Variants in EPN1 observed in about 807,000 individuals in gnomAD.
EPN1 encodes epsin-1.
A neutral mutation model predicts 56.9 loss-of-function variants in EPN1; 25 were observed. That is an observed-to-expected ratio of 0.44 (90% confidence interval 0.32 to 0.61). The LOEUF (loss-of-function observed/expected upper bound fraction) is 0.61, where lower values mean the gene tolerates loss of function less well. EPN1 is among the 20% of genes least tolerant of loss of function. The pLI is 0.05. For missense variants in EPN1, 785 were observed against 823.7 expected, an observed-to-expected ratio of 0.95 and a Z score of 0.58; for synonymous variants, 411 against 361.8, an observed-to-expected ratio of 1.14 and a Z score of -1.54.
At chr19:55,676,149 A>G (rs1985405703) in intron 1 of EPN1, among the ~76,000 whole-genome samples, 1 of 152,166 alleles carries the variant, frequency 6.6e-6, no homozygotes, top group South Asian at 2.1e-4. Context: ...GTCCTTGTGC[A>G]TGTAAGTTGA....
At position 55,703,763 on chromosome 19, in the gene EPN1, C is replaced by T. The variant is rs1210008839; in HGVS notation, c.*8407C>T. 6.6e-6 allele frequency: 1 copy of T among 152,246 alleles called. No individual in the cohort carries two copies. The highest frequency in any genetic ancestry group is 6.5e-5 in the Admixed American group (1 of 15,282). 9.4% of individuals were successfully genotyped at this position (152,246 alleles called of 1,614,324 possible). On this transcript the variant is annotated 3_prime_UTR_variant, in exon 11 of 11. Transcript: ENST00000270460. ...CGTAGAACAGTTGAAATGTGGCCAGCATGAGATTTTTTTAATCTTGCCAAT... is the reference window on the plus strand; with the variant it reads ...CGTAGAACAGTTGAAATGTGGCCAGTATGAGATTTTTTTAATCTTGCCAAT...
In EPN1 at chr19:55,695,342, C is replaced by T; in HGVS notation, c.1717C>T (p.Pro573Ser). 6.7e-7 allele frequency: 1 copy of T among 1,492,798 alleles called. No homozygotes were observed. The allele number at this position is 1,492,798 out of a possible 1,614,324, so 92.5% of individuals were successfully genotyped here. ...PPGPPAPNTN[P>S]FLL ...GGGCCCCCCGGCCCCCAACACTAAT[C>T]CCTTCCTCCTATAATCCAGGGCGGA... is the stretch of plus-strand genomic sequence containing the variant. Residue 573 changes from proline to serine, a missense_variant, in exon 11 of 11, where the codon CCC (proline) becomes TCC (serine). By Grantham distance (74) the Pro-to-Ser change is moderately conservative. This residue lies in a region of EPN1 where 650 missense variants were observed against 605.0 expected (regional missense o/e 1.07). Transcript: ENST00000270460. The surrounding 1 kb of genome is among the most constrained non-coding windows in gnomAD (Gnocchi z 4.4).
intron 2 of EPN1, chr19:55,680,807 C>T (rs1985765756): frequency 6.6e-6 from 1 of 152,550 alleles, no homozygotes; most frequent in Admixed American, 6.5e-5. Context: ...GCCCAGAGGC[C>T]CTGAGCCACT....
rs1987052820 is a variant in EPN1 at position 55,699,692 on chromosome 19, A to AC, written c.*4341dup. Reference sequence around the variant, plus strand: ...TGGCTCTTCAACAAAAAGTGTGCTGACCCCCGGTGATTGCTTGTATGTGGC... The same window carrying AC: ...TGGCTCTTCAACAAAAAGTGTGCTGACCCCCCGGTGATTGCTTGTATGTGGC... On this transcript the variant is annotated 3_prime_UTR_variant, in exon 11 of 11. Coordinates refer to ENST00000270460, the MANE Select transcript of EPN1 (RefSeq NM_001130072.2). 6.6e-6 allele frequency: 1 copy of AC among 151,816 alleles called. No homozygotes were observed. The highest frequency in any genetic ancestry group is 1.5e-5 in the Non-Finnish European group (1 of 67,976). 9.4% of individuals were successfully genotyped at this position (151,816 alleles called of 1,614,324 possible). A position where few individuals can be genotyped will look rare whatever the true frequency, so the allele number is the denominator to read the frequency against.
chr19:55,678,994 A>T (rs1985624044), intron 2 of EPN1, 139 bp downstream of exon 2: 6 of 643,124 alleles, frequency 9.3e-6, no homozygotes, highest in Non-Finnish European at 1.4e-5. Flanking sequence ...CTTTTTGTTT[A>T]ATGAAGGCAA....
At position 55,677,681 on chromosome 19, in the gene EPN1, C is replaced by T. The variant is rs1429322723; in HGVS notation, c.-101-846C>T. On this transcript the variant is annotated intron_variant, in intron 1 of 10. Coordinates refer to ENST00000270460, the MANE Select transcript of EPN1 (RefSeq NM_001130072.2). Reference sequence around the variant, plus strand: ...ATCTCTCCTGAGCCTTGGGCTTCCGCTATCCTTGGGACGTCTGGTCTTCTG... The same window carrying T: ...ATCTCTCCTGAGCCTTGGGCTTCCGTTATCCTTGGGACGTCTGGTCTTCTG... 8 of 1,551,306 alleles carry T rather than the reference C, an allele frequency of 5.2e-6. No individual in the cohort carries two copies. In the Middle Eastern group the frequency reaches 8.3e-4, roughly 161 times the overall value.
chr19:55,679,048 GT>G (rs1985627940), intron 2 of EPN1, among the ~76,000 whole-genome samples, 193 bp downstream of exon 2: 1 of 152,250 alleles, frequency 6.6e-6, no homozygotes, highest in Non-Finnish European at 1.5e-5. Context: ...GTTAAAATCT[GT>G]TTTTGAGTGA....
In EPN1 at chr19:55,678,517, C is replaced by A. The variant is rs540110122; in HGVS notation, c.-101-10C>A. 15 of 1,536,530 alleles carry A rather than the reference C, an allele frequency of 9.8e-6. No homozygotes were observed. Among genetic ancestry groups the A allele is most frequent in the Non-Finnish European group, 1.3e-5 (15 of 1,144,090 alleles). On this transcript the variant is annotated splice_polypyrimidine_tract_variant and intron_variant, in intron 1 of 10. Transcript: ENST00000270460. ...CATTTGTGTTTCCAGAGGTCCTCTT[C>A]CCCTCGCAGATGCGGTGACCTGCCA...
At position 55,698,921 on chromosome 19, in the gene EPN1, T is replaced by G. The variant is rs895455201; in HGVS notation, c.*3565T>G. The G allele has an allele frequency of 6.6e-6, 1 of 152,182 alleles. No homozygotes were observed. Among genetic ancestry groups the G allele is most frequent in the Non-Finnish European group, 1.5e-5 (1 of 68,062 alleles). 9.4% of individuals were successfully genotyped at this position (152,182 alleles called of 1,614,324 possible). A position where few individuals can be genotyped will look rare whatever the true frequency, so the allele number is the denominator to read the frequency against. On this transcript the variant is annotated 3_prime_UTR_variant, in exon 11 of 11. Coordinates refer to ENST00000270460, the MANE Select transcript of EPN1 (RefSeq NM_001130072.2). ...CCACCACGCCCAGCTAATTTTTTTT[T>G]GTATTTTTAGTACAGACGGGGTTTC...
At chr19:55,681,587 C>T (rs1236594674) in intron 2 of EPN1, among the ~76,000 whole-genome samples, 1 of 152,224 alleles carries the variant, frequency 6.6e-6, no homozygotes, top group Non-Finnish European at 1.5e-5. Flanking sequence ...GTAGTTGAGA[C>T]AGAGAGTATA....
In EPN1 at chr19:55,689,763, G is replaced by A. The variant is rs576099475; in HGVS notation, c.679-104G>A. ...CCGCATCCCATCGAATCCTTCAGCCGCTTTCGTTGGGGTGGGAGGGGTTGC... is the reference window on the plus strand; with the variant it reads ...CCGCATCCCATCGAATCCTTCAGCCACTTTCGTTGGGGTGGGAGGGGTTGC... On this transcript the variant is annotated intron_variant, in intron 5 of 10. Coordinates refer to ENST00000270460, the MANE Select transcript of EPN1 (RefSeq NM_001130072.2). This position sits in a 1 kb window ranked among gnomAD's most constrained non-coding sequence, Gnocchi z 5.7. The A allele has an allele frequency of 1.2e-4, 121 of 1,051,584 alleles. No homozygotes were observed. The East Asian group carries it at 3.0e-3, about 26-fold the overall frequency. 65.1% of individuals were successfully genotyped at this position (1,051,584 alleles called of 1,614,324 possible).
At chr19:55,677,803 C>T (rs1172336283) in intron 1 of EPN1, 9 of 1,436,658 alleles carry the variant, frequency 6.3e-6, no homozygotes, top group Non-Finnish European at 7.3e-6. Context: ...GTCCTTGTTT[C>T]TGCTGTGGAT....
rs375817190 is a variant in EPN1 at position 55,692,742 on chromosome 19, T to A, written c.1123T>A (p.Phe375Ile). 7 of 1,579,688 alleles carry A rather than the reference T, an allele frequency of 4.4e-6. No individual in the cohort carries two copies. The highest frequency in any genetic ancestry group is 5.2e-6 in the Non-Finnish European group (6 of 1,163,424). ...ASDPWTPAPAFSDPWGGSPAK... is the reference protein window; with the variant it reads ...ASDPWTPAPAISDPWGGSPAK... ...CGATCCCTGGACACCGGCCCCGGCC[T>A]TCTCAGATCCCTGGGGAGGGTCACC... Residue 375 changes from phenylalanine to isoleucine, a missense_variant, in exon 8 of 11, where the codon TTC becomes ATC. Around this residue, in one of 2 missense-constraint regions of EPN1, gnomAD observed 650 missense variants for 605.0 expected, o/e 1.07. Transcript: ENST00000270460.
At position 55,689,525 on chromosome 19, in the gene EPN1, G is replaced by A. The variant is rs1460895466; in HGVS notation, c.678+154G>A. Among the ~76,000 whole-genome samples the A allele has an allele frequency of 6.6e-6, 1 of 152,216 alleles. No individual in the cohort carries two copies. Among genetic ancestry groups the A allele is most frequent in the African/African-American group, 2.4e-5 (1 of 41,462 alleles). On this transcript the variant is annotated intron_variant, in intron 5 of 10. Transcript: ENST00000270460. This position sits in a 1 kb window ranked among gnomAD's most constrained non-coding sequence, Gnocchi z 5.7. ...TCAGTACCTTCAGCCGTAGGATGTAGGACCACAAGTCAGACAGAGCCTGGG... is the reference window on the plus strand; with the variant it reads ...TCAGTACCTTCAGCCGTAGGATGTAAGACCACAAGTCAGACAGAGCCTGGG...
rs11545669 is a variant in EPN1, at chr19:55,694,771, G to C, written c.1310G>C (p.Gly437Ala). ...GGAGAGGTGCCGGCCCGAAGCCCTG[G>C]GGCGTTTGACATGAGTGGGGTCAGG... Reference protein sequence around the residue: ...LAGEVPARSPGAFDMSGVRGS... With the variant: ...LAGEVPARSPAAFDMSGVRGS... The change falls in exon 10 of 11, where the codon GGG becomes GCG. Residue 437 changes from glycine to alanine, a missense_variant. Coordinates refer to ENST00000270460, the MANE Select transcript of EPN1 (RefSeq NM_001130072.2). The surrounding 1 kb of genome is among the most constrained non-coding windows in gnomAD (Gnocchi z 4.2). 36,756 of 1,604,192 alleles carry C rather than the reference G, an allele frequency of 0.023. 477 individuals are homozygous for C. Among genetic ancestry groups the C allele is most frequent in the Non-Finnish European group, 0.026 (30,840 of 1,173,936 alleles).
chr19:55,690,078 T>A, intron 6 of EPN1, 128 bp downstream of exon 6: 1 of 948,988 alleles, frequency 1.1e-6, no homozygotes, highest in Non-Finnish European at 1.6e-6. Context: ...GCACCGGGTT[T>A]CCAGGCTTGG....
At chr19:55,677,778 C>A in intron 1 of EPN1, 1 of 1,461,928 alleles carries the variant, frequency 6.8e-7, no homozygotes. Flanking sequence ...CCTTCATCAG[C>A]CTTCTTTCCC....
At chr19:55,679,915 G>A (rs754850760) in intron 2 of EPN1, among the ~76,000 whole-genome samples, 30 of 152,186 alleles carry the variant, frequency 2.0e-4, no homozygotes, top group Admixed American at 5.9e-4. Flanking sequence ...TGGAGGCAAC[G>A]AGGAGGGATG....
intron 3 of EPN1, among the ~76,000 whole-genome samples, chr19:55,686,800 G>GAGGC (rs764150477): frequency 5.9e-5 from 9 of 152,114 alleles, no homozygotes; most frequent in South Asian, 2.1e-4. Context: ...TGGTCAGCTC[G>GAGGC]AGGCAGGCAG....
Sources: allele counts gnomAD v4.1 joint callset (sites outside exome capture counted in the v4.1 genomes callset), GRCh38; gene constraint gnomAD v4.1.1; regional missense constraint gnomAD v4.1.1; non-coding constraint Gnocchi (gnomAD v3.1); transcripts MANE v1.5; gene names NCBI Gene and HGNC (gene_info 2026-07-23, HGNC 2026-07-21).